Variants in PIK3CB observed in about 807,000 individuals in gnomAD.
PIK3CB encodes phosphatidylinositol 4,5-bisphosphate 3-kinase catalytic subunit beta isoform.
Under a neutral mutation model 136.8 loss-of-function variants are expected in PIK3CB, and 39 were observed. The observed-to-expected ratio is 0.29, with a 90% CI of 0.22 to 0.37. The LOEUF is 0.37. Among genes scored for constraint, PIK3CB ranks in the 10% least tolerant of loss-of-function variants. PIK3CB has a pLI of 1.00. For missense variants in PIK3CB, 868 were observed against 1,275.4 expected, an observed-to-expected ratio of 0.68 and a Z score of 4.87; for synonymous variants, 428 against 436.6, an observed-to-expected ratio of 0.98 and a Z score of 0.25.
chr3:138,680,675 T>C (rs1483663286), intron 19 of PIK3CB, among the ~76,000 whole-genome samples: 1 of 151,970 alleles, frequency 6.6e-6, no homozygotes, highest in Admixed American at 6.6e-5. Flanking sequence ...TGTTAGGATA[T>C]CCAGTTGTTC....
At chr3:138,691,183 T>G (rs745575618) in intron 14 of PIK3CB, 40 bp from the exon 15 acceptor site, 18 of 1,584,694 alleles carry the variant, frequency 1.1e-5, no homozygotes, top group Non-Finnish European at 1.5e-5. Context: ...CCAAACAACC[T>G]GTGCCAGAAA....
intron 18 of PIK3CB, 34 bp downstream of exon 18, chr3:138,683,643 CT>C (rs771719787): frequency 2.4e-4 from 268 of 1,103,156 alleles, no homozygotes; most frequent in Non-Finnish European, 2.2e-4. Flanking sequence ...ATGAAAAATT[CT>C]AAGAAATTTG....
intron 11 of PIK3CB, among the ~76,000 whole-genome samples, chr3:138,706,455 T>TA (rs2044379699): frequency 6.6e-6 from 1 of 152,198 alleles, no homozygotes; most frequent in South Asian, 2.1e-4. Context: ...CTAACAGACA[T>TA]ATTCAACAAA....
At chr3:138,816,156 A>C (rs919868513) in intron 1 of PIK3CB, among the ~76,000 whole-genome samples, 1 of 152,082 alleles carries the variant, frequency 6.6e-6, no homozygotes, top group African/African-American at 2.4e-5. Context: ...TACAAATATT[A>C]GCCAGGCATA....
chr3:138,676,028 GAACA>G (rs1483708451), intron 19 of PIK3CB, among the ~76,000 whole-genome samples: 3 of 152,026 alleles, frequency 2.0e-5, no homozygotes, highest in Non-Finnish European at 4.4e-5. Flanking sequence ...AAATTAAAGT[GAACA>G]AACAACCAGA....
intron 19 of PIK3CB, among the ~76,000 whole-genome samples, chr3:138,679,299 C>T (rs574307542): frequency 2.6e-5 from 4 of 151,784 alleles, no homozygotes; most frequent in Non-Finnish European, 5.9e-5. Flanking sequence ...AAAAAGTATG[C>T]CTTTGGAAAT....
At chr3:138,744,660 T>A (rs2045317220) in intron 4 of PIK3CB, among the ~76,000 whole-genome samples, 1 of 152,126 alleles carries the variant, frequency 6.6e-6, no homozygotes, top group Non-Finnish European at 1.5e-5. Context: ...ATAGTACCAA[T>A]CCTACCACTG....
chr3:138,697,832 C>T (rs1444343510), intron 13 of PIK3CB, among the ~76,000 whole-genome samples: 1 of 152,028 alleles, frequency 6.6e-6, no homozygotes, highest in Non-Finnish European at 1.5e-5. Context: ...TCCCAGATTC[C>T]AACAATTCTC....
intron 1 of PIK3CB, among the ~76,000 whole-genome samples, chr3:138,827,060 A>C (rs1424584450): frequency 6.6e-6 from 1 of 151,022 alleles, no homozygotes; most frequent in African/African-American, 2.5e-5. Flanking sequence ...CAAGAGCAAA[A>C]CTCGGTCAAT....
At chr3:138,660,193 C>T (rs550825394) in intron 21 of PIK3CB, among the ~76,000 whole-genome samples, 2 of 152,098 alleles carry the variant, frequency 1.3e-5, no homozygotes, top group East Asian at 3.9e-4. Flanking sequence ...TAAAATGGGG[C>T]TATTGCCGCC....
chr3:138,701,941 T>C (rs1205512386), intron 12 of PIK3CB, among the ~76,000 whole-genome samples: 2 of 150,286 alleles, frequency 1.3e-5, no homozygotes, highest in Non-Finnish European at 3.0e-5. Flanking sequence ...ACTATATATA[T>C]ATATAGTTTT....
chr3:138,692,513 A>G (rs1403323969), intron 14 of PIK3CB, among the ~76,000 whole-genome samples: 2 of 152,230 alleles, frequency 1.3e-5, no homozygotes, highest in African/African-American at 4.8e-5. Context: ...AAAACTATCT[A>G]TAACACAATT....
chr3:138,661,984 G>C (rs992882847), intron 21 of PIK3CB, among the ~76,000 whole-genome samples: 2 of 151,904 alleles, frequency 1.3e-5, no homozygotes, highest in African/African-American at 4.8e-5. Context: ...AGATTCCCTA[G>C]GTACCCCAGA....
intron 1 of PIK3CB, among the ~76,000 whole-genome samples, chr3:138,804,430 C>T (rs536024451): frequency 7.2e-4 from 109 of 152,210 alleles, no homozygotes; most frequent in Non-Finnish European, 1.3e-3. Context: ...GGAAGCATCG[C>T]TTGTGCCCAA....
At chr3:138,746,072 C>A (rs1294133945) in intron 4 of PIK3CB, among the ~76,000 whole-genome samples, 1 of 151,610 alleles carries the variant, frequency 6.6e-6, no homozygotes, top group African/African-American at 2.4e-5. Context: ...CATAGTGAGA[C>A]CTCATCTCTA....
At chr3:138,724,435 T>C (rs77977457) in intron 8 of PIK3CB, among the ~76,000 whole-genome samples, 4,115 of 152,190 alleles carry the variant, frequency 0.027, 191 homozygotes, top group African/African-American at 0.095. Flanking sequence ...GCAAATCCCA[T>C]TATTTAGGGT....
intron 1 of PIK3CB, among the ~76,000 whole-genome samples, chr3:138,819,237 C>G (rs1467463540): frequency 6.6e-6 from 1 of 152,096 alleles, no homozygotes; most frequent in Non-Finnish European, 1.5e-5. Context: ...GTCCCAGCTA[C>G]TCAGGAGGCT....
chr3:138,682,154 C>T lies in PIK3CB; in HGVS notation c.2426-109G>A, dbSNP rs552516645. 24 of 628,310 alleles carry T rather than the reference C, an allele frequency of 3.8e-5. No individual in the cohort carries two copies. The East Asian group carries it at 6.7e-4, about 17-fold the overall frequency. 38.9% of individuals were successfully genotyped at this position (628,310 alleles called of 1,614,324 possible). ...ACTAAAAACATTAACAAACTCTGTG[C>T]TAATATTTTCACTAATTTTATAACA... On this transcript the variant is annotated intron_variant, in intron 18 of 23. Coordinates refer to ENST00000674063, the MANE Select transcript of PIK3CB (RefSeq NM_006219.3).
chr3:138,689,957 T>A (rs1465565869), intron 15 of PIK3CB, among the ~76,000 whole-genome samples: 1 of 152,192 alleles, frequency 6.6e-6, no homozygotes, highest in East Asian at 1.9e-4. Flanking sequence ...CTGATTAGCA[T>A]CTATTCCAAT....
Sources: gnomAD v4.1 joint callset for allele counts (sites outside exome capture counted in the v4.1 genomes callset) on GRCh38, gnomAD v4.1.1 for gene constraint, MANE v1.5 for transcripts, NCBI Gene and HGNC (gene_info 2026-07-23, HGNC 2026-07-21) for gene names.